Variants in ERC1 observed in about 807,000 individuals in gnomAD.
ERC1 encodes RAB6 interacting protein 2.
ERC1 carries 56 observed loss-of-function variants against 132.0 expected under a neutral mutation model. That is an observed-to-expected ratio of 0.42 (90% CI 0.34 to 0.53). The LOEUF (loss-of-function observed/expected upper bound fraction) is 0.53. Ranked by LOEUF, ERC1 falls within the 20% of genes least tolerant of loss-of-function variation. The pLI is 0.03. For missense variants in ERC1, 1,202 were observed against 1,349.9 expected, an observed-to-expected ratio of 0.89 and a Z score of 1.72; for synonymous variants, 478 against 476.1, an observed-to-expected ratio of 1.00 and a Z score of -0.05.
At chr12:1,041,497 G>T (rs899381626) in intron 2 of ERC1, among the ~76,000 whole-genome samples, 39 of 152,188 alleles carry the variant, frequency 2.6e-4, no homozygotes, top group Middle Eastern at 3.4e-3. Flanking sequence ...GTGAGCCACC[G>T]TACCCAGCCT....
At chr12:1,096,488 A>C (rs1724308055) in intron 3 of ERC1, among the ~76,000 whole-genome samples, 1 of 152,212 alleles carries the variant, frequency 6.6e-6, no homozygotes, top group Non-Finnish European at 1.5e-5. Context: ...AAAGTTCGAC[A>C]CTCATTTATT....
rs145918370 is a variant in ERC1 at position 1,452,004 on chromosome 12, G to T, written c.3213+7254G>T. Among the ~76,000 whole-genome samples, 413 of 152,304 alleles carry T rather than the reference G, an allele frequency of 2.7e-3. 1 individual carries two copies. The highest frequency in any genetic ancestry group is 7.4e-3 in the Admixed American group (114 of 15,306). On this transcript the variant is annotated intron_variant, in intron 18 of 18. Coordinates refer to ENST00000360905, the MANE Select transcript of ERC1 (RefSeq NM_178040.4). ...AAGGTGGCCATCTGTAAGCCAAGGAGAGAGAGGCCTCAGAAGAAATGAAAC... is the reference window on the plus strand; with the variant it reads ...AAGGTGGCCATCTGTAAGCCAAGGATAGAGAGGCCTCAGAAGAAATGAAAC...
chr12:1,180,846 A>T lies in ERC1; in HGVS notation c.1875+169A>T, dbSNP rs539192445. On this transcript the variant is annotated intron_variant, in intron 9 of 18. Coordinates refer to ENST00000360905, the MANE Select transcript of ERC1 (RefSeq NM_178040.4). ...AAACATTTTTTTTAGATGGAGTCTC[A>T]CTCTGTGCCCAGGCTGGAGTGCAGT... Among the ~76,000 whole-genome samples, 236 of 135,316 alleles carry T rather than the reference A, an allele frequency of 1.7e-3. 5 individuals carry two copies. The highest frequency in any genetic ancestry group is 8.5e-3 in the African/African-American group (219 of 25,642). 88.8% of individuals were successfully genotyped at this position (135,316 alleles called of 152,430 possible). A position where few individuals can be genotyped will look rare whatever the true frequency, so the allele number is the denominator to read the frequency against.
At chr12:1,367,221 A>G (rs898082977) in intron 15 of ERC1, among the ~76,000 whole-genome samples, 1 of 152,210 alleles carries the variant, frequency 6.6e-6, no homozygotes. Context: ...CAGTAAGTTA[A>G]TCTAGATTTC....
intron 15 of ERC1, among the ~76,000 whole-genome samples, chr12:1,333,323 G>A (rs905580703): frequency 2.1e-5 from 3 of 144,964 alleles, no homozygotes; most frequent in Non-Finnish European, 3.0e-5. Context: ...TGGTGTATAT[G>A]TACCGCATTT....
rs191942445 is a variant in ERC1, at chr12:1,441,281, G to A, written c.3025-3281G>A. On this transcript the variant is annotated intron_variant, in intron 17 of 18. Coordinates refer to ENST00000360905, the MANE Select transcript of ERC1 (RefSeq NM_178040.4). Reference sequence around the variant, plus strand: ...TCACCGTATTGGCCAGGCTGGTCTCGAACTCCTGACCTTAAGTGATCTACC... The same window carrying A: ...TCACCGTATTGGCCAGGCTGGTCTCAAACTCCTGACCTTAAGTGATCTACC... Among the ~76,000 whole-genome samples the A allele has an allele frequency of 5.2e-3, 795 of 151,516 alleles. 9 individuals carry two copies. The highest frequency in any genetic ancestry group is 0.019 in the African/African-American group (775 of 41,286).
chr12:1,454,266 G>A (rs1277043292), intron 18 of ERC1, among the ~76,000 whole-genome samples: 1 of 152,152 alleles, frequency 6.6e-6, no homozygotes, highest in Non-Finnish European at 1.5e-5. Flanking sequence ...CTTGCCCTGT[G>A]CATCTCTTCA....
chr12:1,204,419 TA>T (rs2154286915), intron 12 of ERC1: 1 of 1,190,436 alleles, frequency 8.4e-7, no homozygotes, highest in African/African-American at 1.5e-5. Flanking sequence ...TGTCCATGAA[TA>T]ATATTTCTGA....
intron 13 of ERC1, among the ~76,000 whole-genome samples, chr12:1,255,904 G>T (rs1246142867): frequency 6.6e-6 from 1 of 151,828 alleles, no homozygotes; most frequent in Non-Finnish European, 1.5e-5. Flanking sequence ...CTCCCAAAGT[G>T]CTGGGATTAC....
chr12:1,341,099 T>TGAGGCAGAG (rs2083833709), intron 15 of ERC1, among the ~76,000 whole-genome samples: 1 of 51,556 alleles, frequency 1.9e-5, no homozygotes, highest in Non-Finnish European at 4.0e-5. Flanking sequence ...TTTTTTTTTT[T>TGAGGCAGAG]TTTTTTTTTT....
chr12:1,464,629 C>T (rs1333866459), intron 18 of ERC1, among the ~76,000 whole-genome samples: 1 of 149,610 alleles, frequency 6.7e-6, no homozygotes, highest in Non-Finnish European at 1.5e-5. Context: ...AAGCAATTCT[C>T]CTGCCCTCAC....
intron 8 of ERC1, among the ~76,000 whole-genome samples, chr12:1,146,397 A>C (rs1297408679): frequency 7.8e-6 from 1 of 128,044 alleles, no homozygotes; most frequent in Non-Finnish European, 1.6e-5. Flanking sequence ...ATTGATGTGT[A>C]GTAGTGCTGC....
At chr12:1,116,102 GTT>G (rs1463736618) in intron 7 of ERC1, 69 bp downstream of exon 7, 57 of 1,380,058 alleles carry the variant, frequency 4.1e-5, no homozygotes, top group Non-Finnish European at 9.9e-7. Context: ...TACCTGTGCT[GTT>G]TTTGTTATGT....
chr12:1,223,162 C>T (rs1274550081), intron 12 of ERC1, among the ~76,000 whole-genome samples: 1 of 152,114 alleles, frequency 6.6e-6, no homozygotes, highest in East Asian at 1.9e-4. Flanking sequence ...TCATAAAGTA[C>T]AGTAAAACAG....
At chr12:1,141,813 G>T in intron 8 of ERC1, 26 bp downstream of exon 8, 1 of 1,523,556 alleles carries the variant, frequency 6.6e-7, no homozygotes, top group Non-Finnish European at 8.8e-7. Flanking sequence ...TTCGAGTTCA[G>T]TGGCCCATTC....
In ERC1 at chr12:1,450,775, C is replaced by T. The variant is rs1376788672; in HGVS notation, c.3213+6025C>T. 3.9e-5 allele frequency among the ~76,000 whole-genome samples: 6 copies of T among 152,180 alleles called. No individual in the cohort carries two copies. In the East Asian group the frequency reaches 5.8e-4, roughly 15 times the overall value. On this transcript the variant is annotated intron_variant, in intron 18 of 18. Transcript: ENST00000360905. ...GACATTCCCACCAGCGGTACACAAGCGTTCCAGTTTCTCCATATCCCGGCC... is the reference window on the plus strand; with the variant it reads ...GACATTCCCACCAGCGGTACACAAGTGTTCCAGTTTCTCCATATCCCGGCC...
At chr12:1,293,677 C>T (rs1050256873) in intron 15 of ERC1, among the ~76,000 whole-genome samples, 5 of 151,612 alleles carry the variant, frequency 3.3e-5, no homozygotes, top group Non-Finnish European at 7.4e-5. Context: ...AAAAAAATCT[C>T]ATTAGGGATT....
chr12:1,081,692 C>T (rs58172025), intron 2 of ERC1, among the ~76,000 whole-genome samples: 6,506 of 151,906 alleles, frequency 0.043, 459 homozygotes, highest in African/African-American at 0.15. Flanking sequence ...TGGTAGTTGC[C>T]GGGGGTAGGG....
At chr12:993,143 T>C (rs184503260) in intron 1 of ERC1, among the ~76,000 whole-genome samples, 4,629 of 152,198 alleles carry the variant, frequency 0.03, 87 homozygotes, top group Middle Eastern at 0.065. Flanking sequence ...TTTTTAATTA[T>C]AAATAAAAGA....
Sources: gnomAD v4.1 joint callset for allele counts (sites outside exome capture counted in the v4.1 genomes callset) on GRCh38, gnomAD v4.1.1 for gene constraint, MANE v1.5 for transcripts, NCBI Gene and HGNC (gene_info 2026-07-23, HGNC 2026-07-21) for gene names.